Variants in RASGEF1A observed in about 807,000 individuals in gnomAD.
The protein encoded by RASGEF1A is ras-GEF domain-containing family member 1A.
Under a neutral mutation model 56.4 loss-of-function variants are expected in RASGEF1A, and 18 were observed. That is an observed-to-expected ratio of 0.32 (90% CI 0.22 to 0.47). The LOEUF (loss-of-function observed/expected upper bound fraction) is 0.47. Ranked by LOEUF, RASGEF1A falls within the 20% of genes least tolerant of loss-of-function variation. The probability of loss-of-function intolerance (pLI) is 1.00; values close to 1 mark genes in which losing one functional copy is unlikely to be tolerated. For missense variants in RASGEF1A, 422 were observed against 627.1 expected (o/e 0.67, Z 3.49); for synonymous variants, 245 against 242.6 (o/e 1.01, Z -0.09).
intron 1 of RASGEF1A, among the ~76,000 whole-genome samples, chr10:43,219,329 T>G (rs949423783): frequency 6.6e-6 from 1 of 152,204 alleles, no homozygotes; most frequent in African/African-American, 2.4e-5. Flanking sequence ...TCACGCAACC[T>G]TGGTAGCCAG....
rs545578519 is a variant in RASGEF1A at position 43,211,119 on chromosome 10, A to G, written c.-6-4997T>C. Among the ~76,000 whole-genome samples the G allele has an allele frequency of 3.9e-5, 6 of 152,350 alleles. No homozygotes were observed. The South Asian group carries it at 1.2e-3, about 32-fold the overall frequency. ...TGCAGAAGAAACGTGCTTATAGCAA[A>G]GCAGAGAAGAGTGACTCACTGTCTC... On this transcript the variant is annotated intron_variant, in intron 1 of 12. Transcript: ENST00000395810.
intron 3 of RASGEF1A, among the ~76,000 whole-genome samples, chr10:43,202,447 G>A (rs1411896321): frequency 6.6e-6 from 1 of 152,088 alleles, no homozygotes; most frequent in African/African-American, 2.4e-5. Flanking sequence ...TGGCCCTCTT[G>A]GCTGAAACGA....
intron 1 of RASGEF1A, among the ~76,000 whole-genome samples, chr10:43,260,393 G>A (rs575218313): frequency 6.6e-6 from 1 of 152,294 alleles, no homozygotes; most frequent in South Asian, 2.1e-4. Flanking sequence ...CAGCGTCCCC[G>A]GTTGCCTCAC....
rs889774815 is a variant in RASGEF1A at position 43,209,691 on chromosome 10, C to G, written c.-6-3569G>C. 1.4e-4 allele frequency among the ~76,000 whole-genome samples: 13 copies of G among 94,160 alleles called. No individual in the cohort carries two copies. The East Asian group carries it at 2.4e-3, about 17-fold the overall frequency. The allele number at this position is 94,160 out of a possible 152,430, so 61.8% of individuals were successfully genotyped here. A position where few individuals can be genotyped will look rare whatever the true frequency, so the allele number is the denominator to read the frequency against. On this transcript the variant is annotated intron_variant, in intron 1 of 12. Coordinates refer to ENST00000395810, the MANE Select transcript of RASGEF1A (RefSeq NM_145313.4). ...GTGGAGAGCTCAGGAAGCCCCCCCA[C>G]CAGGGCTAGGCAGAGATAGGGCTGT...
intron 1 of RASGEF1A, among the ~76,000 whole-genome samples, chr10:43,258,027 T>A (rs1452563980): frequency 1.3e-5 from 2 of 152,196 alleles, no homozygotes; most frequent in East Asian, 3.9e-4. Flanking sequence ...ACAACTAGGC[T>A]GGGCAGGTTT....
At chr10:43,248,066 A>C (rs923013802) in intron 1 of RASGEF1A, among the ~76,000 whole-genome samples, 19 of 151,706 alleles carry the variant, frequency 1.3e-4, no homozygotes, top group African/African-American at 4.1e-4. Flanking sequence ...AAAAAAAAAA[A>C]AAAACATGGC....
At chr10:43,263,638 C>T (rs57725497) in intron 1 of RASGEF1A, among the ~76,000 whole-genome samples, 77 of 152,244 alleles carry the variant, frequency 5.1e-4, no homozygotes, top group African/African-American at 1.7e-3. Flanking sequence ...TCTCGGAGCC[C>T]CTGCTGGCTG....
At chr10:43,232,197 C>G (rs1241612166) in intron 1 of RASGEF1A, among the ~76,000 whole-genome samples, 1 of 152,208 alleles carries the variant, frequency 6.6e-6, no homozygotes, top group Non-Finnish European at 1.5e-5. Context: ...GCGATTGGAT[C>G]ATGGGGGCGG....
rs1033536576 is a variant in RASGEF1A at position 43,225,301 on chromosome 10, C to T, written c.-6-19179G>A. 1.5e-4 allele frequency among the ~76,000 whole-genome samples: 20 copies of T among 132,564 alleles called. No homozygotes were observed. In the Admixed American group the frequency reaches 1.7e-3, roughly 11 times the overall value. 87.0% of individuals were successfully genotyped at this position (132,564 alleles called of 152,430 possible). A position where few individuals can be genotyped will look rare whatever the true frequency, so the allele number is the denominator to read the frequency against. On this transcript the variant is annotated intron_variant, in intron 1 of 12. Transcript: ENST00000395810. ...TCTGTGTGTTTCTGTGTGTCTGTGT[C>T]TTTGTGTGTGTCTGTGTGTCTGTGT...
rs763734663 is a variant in RASGEF1A, at chr10:43,201,838, G to T, written c.429C>A (p.Ala143=). The change falls in exon 4 of 13, where the codon GCC becomes GCA. Residue 143 remains alanine, a synonymous_variant. Coordinates refer to ENST00000395810, the MANE Select transcript of RASGEF1A (RefSeq NM_145313.4). The part of the protein sequence containing the change: ...QDEKAMAELK[A]ITHRVTQCDE... ...CACACTGGGTGACACGGTGTGTGAT[G>T]GCTTTCAGCTCGGCCATGGCCTTCT... 6.2e-7 allele frequency: 1 copy of T among 1,610,090 alleles called. No individual in the cohort carries two copies. The highest frequency in any genetic ancestry group is 8.5e-7 in the Non-Finnish European group (1 of 1,177,616).
intron 1 of RASGEF1A, among the ~76,000 whole-genome samples, chr10:43,222,446 T>C (rs1840220961): frequency 6.6e-6 from 1 of 152,110 alleles, no homozygotes; most frequent in Non-Finnish European, 1.5e-5. Context: ...GAAGGTTGGG[T>C]CCATCACCAA....
At chr10:43,244,161 C>T (rs1840543288) in intron 1 of RASGEF1A, among the ~76,000 whole-genome samples, 1 of 152,192 alleles carries the variant, frequency 6.6e-6, no homozygotes, top group African/African-American at 2.4e-5. Flanking sequence ...GCAAGATGTG[C>T]TTTGTTAAAC....
intron 1 of RASGEF1A, among the ~76,000 whole-genome samples, chr10:43,259,966 A>G (rs1356777775): frequency 6.6e-6 from 1 of 151,946 alleles, no homozygotes; most frequent in African/African-American, 2.4e-5. Context: ...GCACCAGAGA[A>G]CCACACCACC....
chr10:43,255,472 C>T (rs1242478487), intron 1 of RASGEF1A, among the ~76,000 whole-genome samples: 1 of 152,220 alleles, frequency 6.6e-6, no homozygotes, highest in African/African-American at 2.4e-5. Context: ...TCCTCTTAGG[C>T]TGCAAGCTCT....
intron 1 of RASGEF1A, among the ~76,000 whole-genome samples, chr10:43,217,581 C>G (rs1427476527): frequency 6.6e-6 from 1 of 152,234 alleles, no homozygotes; most frequent in Admixed American, 6.5e-5. Context: ...CCCCTCTGGA[C>G]GTCATCTATC....
At chr10:43,258,017 A>G (rs72783254) in intron 1 of RASGEF1A, among the ~76,000 whole-genome samples, 1 of 152,292 alleles carries the variant, frequency 6.6e-6, no homozygotes, top group Non-Finnish European at 1.5e-5. Context: ...GGCTCAGAAA[A>G]CAACTAGGCT....
chr10:43,209,055 G>C (rs1840032807), intron 1 of RASGEF1A: 1 of 985,332 alleles, frequency 1.0e-6, no homozygotes, highest in African/African-American at 1.7e-5. Context: ...CCAACAGCAG[G>C]GGCAGGCACT....
intron 1 of RASGEF1A, among the ~76,000 whole-genome samples, chr10:43,233,246 A>G (rs1454608508): frequency 2.0e-5 from 3 of 152,306 alleles, no homozygotes; most frequent in Admixed American, 2.0e-4. Context: ...TGACTGCTAC[A>G]TCCCAATGAC....
At chr10:43,225,851 T>C (rs916795370) in intron 1 of RASGEF1A, among the ~76,000 whole-genome samples, 1 of 151,808 alleles carries the variant, frequency 6.6e-6, no homozygotes, top group African/African-American at 2.4e-5. Context: ...GGGGCCAGAG[T>C]TGAAGGCTGA....
Sources: gnomAD v4.1 joint callset for allele counts (sites outside exome capture counted in the v4.1 genomes callset) on GRCh38, gnomAD v4.1.1 for gene constraint, MANE v1.5 for transcripts, NCBI Gene and HGNC (gene_info 2026-07-23, HGNC 2026-07-21) for gene names.